Variants in DYNC1H1 observed in about 807,000 individuals in gnomAD.
DYNC1H1 encodes dynein cytoplasmic 1 heavy chain 1.
A neutral mutation model predicts 527.1 loss-of-function variants in DYNC1H1; 51 were observed. The ratio of observed to expected loss-of-function variants is 0.10; its 90% confidence interval spans 0.08 to 0.12. The LOEUF (loss-of-function observed/expected upper bound fraction) is 0.12. Ranked by LOEUF, DYNC1H1 falls within the 10% of genes least tolerant of loss-of-function variation. The pLI is 1.00. For missense variants in DYNC1H1, 2,771 were observed against 5,971.8 expected (o/e 0.46, Z 17.66); for synonymous variants, 2,189 against 2,278.8 (o/e 0.96, Z 1.12).
Position 102,012,291 on chromosome 14 carries a change from A to C in DYNC1H1, c.6858-23A>C. 1 of 1,614,212 alleles carries C rather than the reference A, an allele frequency of 6.2e-7. No homozygotes were observed. ...TAAAATCTTGATTTAATCAGCAGCTATTTTAAAATCCTTCCCAACCAGGAT... is the reference window on the plus strand; with the variant it reads ...TAAAATCTTGATTTAATCAGCAGCTCTTTTAAAATCCTTCCCAACCAGGAT... On this transcript the variant is annotated intron_variant, in intron 33 of 77. Coordinates refer to ENST00000360184, the MANE Select transcript of DYNC1H1 (RefSeq NM_001376.5). The surrounding 1 kb of genome is among the most constrained non-coding windows in gnomAD (Gnocchi z 4.9).
At chr14:101,990,941 G>A (rs989743541) in intron 10 of DYNC1H1, among the ~76,000 whole-genome samples, 35 of 151,760 alleles carry the variant, frequency 2.3e-4, no homozygotes, top group African/African-American at 8.2e-4. Flanking sequence ...CTCGGGAGGT[G>A]GAGATTGCAG....
intron 56 of DYNC1H1, 131 bp downstream of exon 56, chr14:102,034,583 G>A: frequency 6.9e-7 from 1 of 1,447,954 alleles, no homozygotes; most frequent in African/African-American, 1.4e-5. Context: ...TGGCAGCTTG[G>A]TGCTCCTCTG....
chr14:102,047,992 G>A lies in DYNC1H1; in HGVS notation c.13182G>A (p.Thr4394=), dbSNP rs754395575. ...ASNWLHLIPQ[T]LSHLKRTVEN... ...ACTGGCTGCACCTCATCCCCCAGACGCTGAGCCACCTCAAGCGCACCGTGG... is the reference window on the plus strand; with the variant it reads ...ACTGGCTGCACCTCATCCCCCAGACACTGAGCCACCTCAAGCGCACCGTGG... The change falls in exon 73 of 78, where the codon ACG becomes ACA. Residue 4394 remains threonine, a synonymous_variant. Coordinates refer to ENST00000360184, the MANE Select transcript of DYNC1H1 (RefSeq NM_001376.5). 1.4e-5 allele frequency: 22 copies of A among 1,612,088 alleles called. No homozygotes were observed. Among genetic ancestry groups the A allele is most frequent in the Admixed American group, 1.7e-5 (1 of 59,984 alleles).
Position 102,039,334 on chromosome 14 carries a change from C to T in DYNC1H1, c.11461-78C>T. The stretch of plus-strand genomic sequence containing the variant: ...CGCACAGAGGCTGGCGGGCCCTGCA[C>T]AGTAGCTCCTTGGCCACGCAGAAGT... On this transcript the variant is annotated intron_variant, in intron 60 of 77. Coordinates refer to ENST00000360184, the MANE Select transcript of DYNC1H1 (RefSeq NM_001376.5). This position sits in a 1 kb window ranked among gnomAD's most constrained non-coding sequence, Gnocchi z 7.0. The T allele has an allele frequency of 6.2e-7, 1 of 1,612,696 alleles. No homozygotes were observed. The highest frequency in any genetic ancestry group is 8.5e-7 in the Non-Finnish European group (1 of 1,180,016).
Position 101,997,476 on chromosome 14 carries a change from G to A in DYNC1H1, c.3804+202G>A, listed in dbSNP as rs904564635. 6.6e-6 allele frequency among the ~76,000 whole-genome samples: 1 copy of A among 152,174 alleles called. No homozygotes were observed. Among genetic ancestry groups the A allele is most frequent in the East Asian group, 1.9e-4 (1 of 5,198 alleles). On this transcript the variant is annotated intron_variant, in intron 16 of 77. Coordinates refer to ENST00000360184, the MANE Select transcript of DYNC1H1 (RefSeq NM_001376.5). This position sits in a 1 kb window ranked among gnomAD's most constrained non-coding sequence, Gnocchi z 4.8. ...CTTAGACCTCTTTTTACTCAGAATG[G>A]CATTCAGTAGCTGGTTTTAAGGATT...
chr14:101,983,944 C>T lies in DYNC1H1; in HGVS notation c.1461+335C>T, dbSNP rs1418847151. Among the ~76,000 whole-genome samples the T allele has an allele frequency of 6.6e-6, 1 of 151,044 alleles. No homozygotes were observed. The highest frequency in any genetic ancestry group is 1.5e-5 in the Non-Finnish European group (1 of 67,734). On this transcript the variant is annotated intron_variant, in intron 7 of 77. Transcript: ENST00000360184. This position sits in a 1 kb window ranked among gnomAD's most constrained non-coding sequence, Gnocchi z 5.3. The stretch of plus-strand genomic sequence containing the variant: ...CACCTGCCTCGGCCTCCCAAAGTGC[C>T]GGGATTATAGACGTGAGACAGCATG...
chr14:102,025,386 CAGAG>C (rs1184966092), intron 43 of DYNC1H1, among the ~76,000 whole-genome samples: 2 of 148,966 alleles, frequency 1.3e-5, no homozygotes, highest in Non-Finnish European at 3.0e-5. Context: ...GCCTGGGCGA[CAGAG>C]GGAGACTCTG....
In DYNC1H1 at chr14:101,983,679, T is replaced by TG; in HGVS notation, c.1461+70_1461+71insG. 1.1e-5 allele frequency: 17 copies of TG among 1,524,714 alleles called. No homozygotes were observed. The African/African-American group carries it at 2.2e-4, about 20-fold the overall frequency. 94.4% of individuals were successfully genotyped at this position (1,524,714 alleles called of 1,614,324 possible). On this transcript the variant is annotated intron_variant, in intron 7 of 77. Transcript: ENST00000360184. This position sits in a 1 kb window ranked among gnomAD's most constrained non-coding sequence, Gnocchi z 5.3. ...TTTTGTTTTTTGTTTGGTGTTTTTT[T>TG]TTTGTTGTTGTTGTTGAGATGAAGT...
rs752306151 is a variant in DYNC1H1, at chr14:102,048,497, C to G, written c.13219-19C>G. 1 of 1,614,088 alleles carries G rather than the reference C, an allele frequency of 6.2e-7. No homozygotes were observed. The highest frequency in any genetic ancestry group is 8.5e-7 in the Non-Finnish European group (1 of 1,180,002). ...AGGACCTCTTCCTAACTTCTCTTCA[C>G]CCTTTTGAACGATTTTAGGATCCTT... On this transcript the variant is annotated intron_variant, in intron 73 of 77. Transcript: ENST00000360184.
chr14:102,050,382 C>A, intron 77 of DYNC1H1, 53 bp from the exon 78 acceptor site: 1 of 1,614,104 alleles, frequency 6.2e-7, no homozygotes, highest in Non-Finnish European at 8.5e-7. Context: ...GGGCAGTCTT[C>A]CAGTTTTCTT....
chr14:102,006,704 G>A (rs895509216), intron 27 of DYNC1H1, among the ~76,000 whole-genome samples: 2 of 151,198 alleles, frequency 1.3e-5, no homozygotes, highest in Admixed American at 6.6e-5. Flanking sequence ...GGGTTCAAGC[G>A]ATCTCCTGCC....
rs1157452569 is a variant in DYNC1H1 at position 102,054,839 on chromosome 14, G to C, written c.*4276G>C. 1 of 152,060 alleles carries C rather than the reference G, an allele frequency of 6.6e-6. No homozygotes were observed. The highest frequency in any genetic ancestry group is 1.9e-4 in the East Asian group (1 of 5,168). The allele number at this position is 152,060 out of a possible 1,614,324, so 9.4% of individuals were successfully genotyped here. On this transcript the variant is annotated 3_prime_UTR_variant, in exon 78 of 78. Transcript: ENST00000360184. The stretch of plus-strand genomic sequence containing the variant: ...CCACCTTGGCCTCCCAAAGTGCTGG[G>C]ATTACAGGCATGAGCCACCACTCCT...
chr14:101,968,465 C>G (rs2047693343), intron 1 of DYNC1H1, among the ~76,000 whole-genome samples: 1 of 152,018 alleles, frequency 6.6e-6, no homozygotes, highest in African/African-American at 2.4e-5. Flanking sequence ...GACTTCAGGG[C>G]TCAAGCAATA....
At chr14:101,968,352 C>T (rs1366801467) in intron 1 of DYNC1H1, among the ~76,000 whole-genome samples, 1 of 151,946 alleles carries the variant, frequency 6.6e-6, no homozygotes, top group Non-Finnish European at 1.5e-5. Context: ...AGTGCAGTGG[C>T]CCAGTCATGG....
In DYNC1H1 at chr14:102,000,326, C is replaced by T; in HGVS notation, c.4001C>T (p.Ser1334Leu). ...TTACAGGACCTCAAAGGCGTTTGGT[C>T]AGAACTTTCTAAGGTTTGGGAGCAA... is the stretch of plus-strand genomic sequence containing the variant. The part of the protein sequence containing the change: ...EELQDLKGVW[S>L]ELSKVWEQID... The change falls in exon 18 of 78, where the codon TCA becomes TTA. Residue 1334 changes from serine to leucine, a missense_variant. By Grantham distance (145) the Ser-to-Leu change is moderately radical. This residue lies in a region of DYNC1H1 where 223 missense variants were observed against 462.5 expected (regional missense o/e 0.48). Transcript: ENST00000360184. 1.9e-6 allele frequency: 3 copies of T among 1,614,102 alleles called. No homozygotes were observed. The highest frequency in any genetic ancestry group is 2.5e-6 in the Non-Finnish European group (3 of 1,180,036).
intron 64 of DYNC1H1, 198 bp downstream of exon 64, chr14:102,040,871 G>A: frequency 1.5e-6 from 1 of 655,710 alleles, no homozygotes; most frequent in Non-Finnish European, 2.7e-6. Flanking sequence ...AAGCAGGAAG[G>A]TCACTTGAGC....
At chr14:101,968,436 G>A (rs1566992304) in intron 1 of DYNC1H1, among the ~76,000 whole-genome samples, 1 of 152,030 alleles carries the variant, frequency 6.6e-6, no homozygotes, top group Admixed American at 6.6e-5. Flanking sequence ...GTCTCACCAT[G>A]TTGCCCAGGC....
In DYNC1H1 at chr14:102,027,773, T is replaced by C; in HGVS notation, c.9203T>C (p.Met3068Thr). Residue 3068 changes from methionine (M) to threonine (T), a missense_variant, in exon 47 of 78, where the codon ATG (methionine) becomes ACG (threonine). Around this residue, in one of 32 missense-constraint regions of DYNC1H1, gnomAD observed 84 missense variants for 285.4 expected, o/e 0.29. Coordinates refer to ENST00000360184, the MANE Select transcript of DYNC1H1 (RefSeq NM_001376.5). The surrounding 1 kb of genome is among the most constrained non-coding windows in gnomAD (Gnocchi z 7.7). ...CGCAACCTCCACGTCGTGTTCACCA[T>C]GAACCCGTCCTCGGAGGGACTCAAG... ...VIRNLHVVFT[M>T]NPSSEGLKDR... is the part of the protein sequence containing the mutation. 4 of 1,614,188 alleles carry C rather than the reference T, an allele frequency of 2.5e-6. No homozygotes were observed. The highest frequency in any genetic ancestry group is 3.4e-6 in the Non-Finnish European group (4 of 1,180,026).
intron 29 of DYNC1H1, 82 bp downstream of exon 29, chr14:102,008,419 A>G: frequency 6.5e-7 from 1 of 1,541,186 alleles, no homozygotes; most frequent in Non-Finnish European, 8.8e-7. Flanking sequence ...CTCTTGGATT[A>G]GAAATAAGCA....
Sources: allele counts gnomAD v4.1 joint callset (sites outside exome capture counted in the v4.1 genomes callset), GRCh38; gene constraint gnomAD v4.1.1; regional missense constraint gnomAD v4.1.1; non-coding constraint Gnocchi (gnomAD v3.1); transcripts MANE v1.5; gene names NCBI Gene and HGNC (gene_info 2026-07-23, HGNC 2026-07-21).